Variants in NEO1 observed in about 807,000 individuals in gnomAD.
The protein encoded by NEO1 is neogenin.
In NEO1, 63 loss-of-function variants were observed where a neutral mutation model predicts 159.7. That is an observed-to-expected ratio of 0.39 (90% CI 0.32 to 0.49). The LOEUF (loss-of-function observed/expected upper bound fraction) is 0.49. Ranked by LOEUF, NEO1 falls within the 20% of genes least tolerant of loss-of-function variation. The pLI is 0.85. For missense variants in NEO1, 1,615 were observed against 1,831.0 expected, an observed-to-expected ratio of 0.88 and a Z score of 2.15; for synonymous variants, 633 against 662.0, an observed-to-expected ratio of 0.96 and a Z score of 0.67.
At chr15:73,277,015 A>G (rs1049229558) in intron 21 of NEO1, among the ~76,000 whole-genome samples, 1 of 152,196 alleles carries the variant, frequency 6.6e-6, no homozygotes, top group Non-Finnish European at 1.5e-5. Context: ...TTAAATTTCC[A>G]TTTAATCCTC....
chr15:73,205,802 C>G (rs2037180245), intron 7 of NEO1, among the ~76,000 whole-genome samples: 1 of 152,178 alleles, frequency 6.6e-6, no homozygotes, highest in Non-Finnish European at 1.5e-5. Flanking sequence ...AATTTTCCAG[C>G]TTTTTCTTGT....
intron 15 of NEO1, among the ~76,000 whole-genome samples, chr15:73,261,115 C>G (rs545031421): frequency 9.3e-4 from 141 of 152,174 alleles, no homozygotes; most frequent in African/African-American, 3.3e-3. Flanking sequence ...CATTTGACAT[C>G]TTCCATCTTT....
At chr15:73,180,434 C>A (rs936807466) in intron 7 of NEO1, among the ~76,000 whole-genome samples, 1 of 152,126 alleles carries the variant, frequency 6.6e-6, no homozygotes, top group African/African-American at 2.4e-5. Flanking sequence ...GCCATTTTTC[C>A]ATCTTGGTGA....
At chr15:73,228,653 AT>A (rs1172390774) in intron 7 of NEO1, among the ~76,000 whole-genome samples, 1 of 151,466 alleles carries the variant, frequency 6.6e-6, no homozygotes, top group Non-Finnish European at 1.5e-5. Context: ...ACTTTCTTTT[AT>A]GTCTTGTGCG....
intron 1 of NEO1, among the ~76,000 whole-genome samples, chr15:73,081,646 G>A (rs1361417295): frequency 6.6e-6 from 1 of 151,746 alleles, no homozygotes; most frequent in East Asian, 1.9e-4. Flanking sequence ...CACCATCACA[G>A]CTCACTGTAG....
intron 1 of NEO1, among the ~76,000 whole-genome samples, chr15:73,106,580 T>G (rs2070705307): frequency 6.6e-6 from 1 of 152,176 alleles, no homozygotes; most frequent in East Asian, 1.9e-4. Context: ...TAACTACATG[T>G]CACACATCAC....
chr15:73,236,154 T>TA, intron 7 of NEO1, 193 bp from the exon 8 acceptor site: 1 of 746,934 alleles, frequency 1.3e-6, no homozygotes, highest in South Asian at 1.9e-5. Flanking sequence ...TGGCCTTTTT[T>TA]ATGTTCATTC....
chr15:73,073,478 G>A (rs1015815563), intron 1 of NEO1, among the ~76,000 whole-genome samples: 1 of 152,104 alleles, frequency 6.6e-6, no homozygotes, highest in East Asian at 1.9e-4. Flanking sequence ...ATTCTGGAGC[G>A]TATTTAAAAA....
At chr15:73,171,831 G>A (rs1445353388) in intron 5 of NEO1, among the ~76,000 whole-genome samples, 1 of 151,716 alleles carries the variant, frequency 6.6e-6, no homozygotes, top group Non-Finnish European at 1.5e-5. Flanking sequence ...TAATAGAGAC[G>A]GGTTTTTGCC....
intron 7 of NEO1, among the ~76,000 whole-genome samples, chr15:73,218,651 T>C (rs1174621720): frequency 6.6e-6 from 1 of 152,146 alleles, no homozygotes; most frequent in Non-Finnish European, 1.5e-5. Context: ...TGGTTTAGTC[T>C]TGGGAGAGTG....
At chr15:73,081,509 TAAA>T (rs2069044395) in intron 1 of NEO1, among the ~76,000 whole-genome samples, 1 of 152,166 alleles carries the variant, frequency 6.6e-6, no homozygotes, top group Non-Finnish European at 1.5e-5. Flanking sequence ...TCAGGGTTGA[TAAA>T]AACATTTCCA....
At chr15:73,263,187 T>G (rs1390060351) in intron 15 of NEO1, among the ~76,000 whole-genome samples, 1 of 141,146 alleles carries the variant, frequency 7.1e-6, no homozygotes, top group Non-Finnish European at 1.5e-5. Context: ...ACCTCATAGT[T>G]GACTTTTTTT....
Position 73,258,830 on chromosome 15 carries a change from G to A in NEO1, c.2157G>A (p.Pro719=), listed in dbSNP as rs750146071. The part of the protein sequence containing the change: ...VAALTINGTG[P]ATDWLSAETF... ...CTCTAACAATCAATGGTACAGGCCC[G>A]GCAACTGACTGGCTGTCTGCTGAAA... is the stretch of plus-strand genomic sequence containing the variant. Residue 719 remains proline, a synonymous_variant, in exon 14 of 29, where the codon CCG becomes CCA. Coordinates refer to ENST00000261908, the MANE Select transcript of NEO1 (RefSeq NM_002499.4). 14 of 1,613,858 alleles carry A rather than the reference G, an allele frequency of 8.7e-6. No individual in the cohort carries two copies. Among genetic ancestry groups the A allele is most frequent in the South Asian group, 3.3e-5 (3 of 91,066 alleles).
At chr15:73,235,787 TCTC>T (rs745569245) in intron 7 of NEO1, among the ~76,000 whole-genome samples, 1 of 152,168 alleles carries the variant, frequency 6.6e-6, no homozygotes, top group Non-Finnish European at 1.5e-5. Context: ...GGCCCTCAAT[TCTC>T]CTGCAAAGGA....
chr15:73,282,901 C>A (rs1024876380), intron 22 of NEO1, 63 bp from the exon 23 acceptor site: 1 of 1,559,710 alleles, frequency 6.4e-7, no homozygotes, highest in Non-Finnish European at 8.7e-7. Context: ...GGTTCTGTAG[C>A]TTGATAGTAT....
intron 7 of NEO1, among the ~76,000 whole-genome samples, chr15:73,197,539 C>G (rs2036595156): frequency 6.6e-6 from 1 of 152,030 alleles, no homozygotes; most frequent in Non-Finnish European, 1.5e-5. Flanking sequence ...GAGATACAAC[C>G]TGATTGCAGA....
In NEO1 at chr15:73,221,313, G is replaced by A. The variant is rs183050151; in HGVS notation, c.1292-15034G>A. 3.1e-3 allele frequency among the ~76,000 whole-genome samples: 471 copies of A among 152,294 alleles called. 2 individuals are homozygous for A. The highest frequency in any genetic ancestry group is 4.1e-3 in the Non-Finnish European group (280 of 68,020). ...TTTTGTCTCAGAGGAGTACCCGGCC[G>A]TGTGAAGTGTCAGTCTGCCCCTACT... On this transcript the variant is annotated intron_variant, in intron 7 of 28. Coordinates refer to ENST00000261908, the MANE Select transcript of NEO1 (RefSeq NM_002499.4).
chr15:73,185,774 A>G (rs929229300), intron 7 of NEO1, among the ~76,000 whole-genome samples: 2 of 152,322 alleles, frequency 1.3e-5, no homozygotes, highest in African/African-American at 2.4e-5. Context: ...TGATACATCT[A>G]TACAATGGAA....
intron 7 of NEO1, among the ~76,000 whole-genome samples, chr15:73,216,765 C>G (rs1363271631): frequency 3.9e-5 from 6 of 152,114 alleles, no homozygotes; most frequent in Non-Finnish European, 1.5e-5. Context: ...CCTTCGCCCA[C>G]TTTTTGATGG....
Sources: gnomAD v4.1 joint callset for allele counts (sites outside exome capture counted in the v4.1 genomes callset) on GRCh38, gnomAD v4.1.1 for gene constraint, MANE v1.5 for transcripts, NCBI Gene and HGNC (gene_info 2026-07-23, HGNC 2026-07-21) for gene names.